Variants in ADGRL2 observed in about 807,000 individuals in gnomAD.
ADGRL2 encodes the protein adhesion G protein-coupled receptor L2, also known as calcium-independent alpha-latrotoxin receptor 2.
A neutral mutation model predicts 157.4 loss-of-function variants in ADGRL2; 44 were observed. The ratio of observed to expected loss-of-function variants is 0.28; its 90% confidence interval spans 0.22 to 0.36. ADGRL2 has a LOEUF of 0.36. ADGRL2 is among the 10% of genes least tolerant of loss of function. The pLI, the probability that ADGRL2 is intolerant of heterozygous loss-of-function variation, is 1.00. For synonymous variants in ADGRL2, 585 were observed against 624.7 expected (o/e 0.94, Z 0.95); for missense variants, 1,510 against 1,768.9 (o/e 0.85, Z 2.63).
chr1:81,690,155 G>A (rs997278761), intron 3 of ADGRL2, among the ~76,000 whole-genome samples: 7 of 152,094 alleles, frequency 4.6e-5, no homozygotes, highest in African/African-American at 1.2e-4. Flanking sequence ...AGATGACATC[G>A]ATTTGATCTT....
chr1:81,836,272 G>T (rs779538205), intron 1 of ADGRL2, among the ~76,000 whole-genome samples: 10 of 151,978 alleles, frequency 6.6e-5, no homozygotes, highest in Non-Finnish European at 7.4e-5. Context: ...AATAGGAAAC[G>T]AACATGAAGA....
At chr1:81,846,069 T>G (rs2092775421) in intron 2 of ADGRL2, among the ~76,000 whole-genome samples, 1 of 151,914 alleles carries the variant, frequency 6.6e-6, no homozygotes, top group Admixed American at 6.6e-5. Flanking sequence ...AAATCTAAGG[T>G]CTTTGATCAC....
intron 1 of ADGRL2, among the ~76,000 whole-genome samples, chr1:81,428,335 TAA>T (rs57763882): frequency 6.8e-6 from 1 of 146,630 alleles, no homozygotes; most frequent in Non-Finnish European, 1.5e-5. Flanking sequence ...ATCTCAAAAT[TAA>T]AAAAAAAAAG....
intron 3 of ADGRL2, among the ~76,000 whole-genome samples, chr1:81,635,034 T>C (rs1182965508): frequency 6.6e-6 from 1 of 152,166 alleles, no homozygotes; most frequent in Non-Finnish European, 1.5e-5. Flanking sequence ...CCAAGAATTA[T>C]ACTCAACCAG....
chr1:81,951,086 T>C lies in ADGRL2; in HGVS notation c.1573T>C (p.Cys525Arg). The change falls in exon 8 of 24, where the codon TGT becomes CGT. Residue 525 changes from cysteine (C) to arginine (R), a missense_variant. Coordinates refer to ENST00000686636, the MANE Select transcript of ADGRL2 (RefSeq NM_001366006.2). ...CCCTAAGGGCCCCGATCTTAGCAAC[T>C]GTACCTCACACTGGGTGAATCAGCT... ...WNPKGPDLSN[C>R]TSHWVNQLAQ... is the part of the protein sequence containing the mutation. The C allele has an allele frequency of 6.2e-7, 1 of 1,613,620 alleles. No individual in the cohort carries two copies. The highest frequency in any genetic ancestry group is 2.2e-5 in the East Asian group (1 of 44,862).
chr1:81,829,910 T>G (rs1334342878), intron 1 of ADGRL2, among the ~76,000 whole-genome samples: 1 of 152,176 alleles, frequency 6.6e-6, no homozygotes, highest in Non-Finnish European at 1.5e-5. Flanking sequence ...TGAGCCACGA[T>G]TCTATAGTGT....
rs971043810 is a variant in ADGRL2 at position 81,478,976 on chromosome 1, T to C, written c.-248+33887T>C. ...CAGTGAGCTACAAGTGAAAGCTTAA[T>C]GATCTTCTGTTTTTCCATACAGTTA... On this transcript the variant is annotated intron_variant, in intron 2 of 24. Coordinates refer to the ADGRL2 transcript ENST00000370721. 1.7e-4 allele frequency among the ~76,000 whole-genome samples: 26 copies of C among 152,158 alleles called. 1 individual carries two copies. Among genetic ancestry groups the C allele is most frequent in the Admixed American group, 1.6e-3 (24 of 15,270 alleles).
At chr1:81,450,150 C>G (rs1420608213) in intron 2 of ADGRL2, among the ~76,000 whole-genome samples, 1 of 152,086 alleles carries the variant, frequency 6.6e-6, no homozygotes, top group East Asian at 1.9e-4. Context: ...ATAGATGAGT[C>G]CATACCTGGC....
intron 2 of ADGRL2, among the ~76,000 whole-genome samples, chr1:81,525,819 G>A (rs535091869): frequency 1.1e-4 from 17 of 151,666 alleles, no homozygotes; most frequent in Admixed American, 9.2e-4. Context: ...TGGCTTAAAT[G>A]TTCTACCTTT....
chr1:81,426,951 A>T (rs2077228283), intron 1 of ADGRL2: 1 of 733,654 alleles, frequency 1.4e-6, no homozygotes, highest in Non-Finnish European at 2.5e-6. Context: ...GAAAAAAAGG[A>T]AGGATTTGCT....
At chr1:81,715,799 A>G (rs1289843493) in intron 1 of ADGRL2, among the ~76,000 whole-genome samples, 1 of 152,122 alleles carries the variant, frequency 6.6e-6, no homozygotes, top group Admixed American at 6.5e-5. Flanking sequence ...CTAATGAGGA[A>G]CAGAAGTCAA....
chr1:81,624,137 C>T (rs931578788), intron 3 of ADGRL2, among the ~76,000 whole-genome samples: 2 of 152,158 alleles, frequency 1.3e-5, no homozygotes, highest in Non-Finnish European at 2.9e-5. Flanking sequence ...AAAGGGACAC[C>T]GATACCTGGA....
intron 2 of ADGRL2, among the ~76,000 whole-genome samples, chr1:81,794,511 G>C (rs2087493590): frequency 6.6e-6 from 1 of 152,128 alleles, no homozygotes; most frequent in Non-Finnish European, 1.5e-5. Context: ...TTATTTATGT[G>C]TTTGTATTTC....
chr1:81,968,301 G>A (rs1194785118), intron 14 of ADGRL2, 102 bp downstream of exon 14: 43 of 965,000 alleles, frequency 4.5e-5, no homozygotes, highest in South Asian at 1.4e-5. Flanking sequence ...TAACTAAAAA[G>A]CAAACAAAGT....
At chr1:81,611,182 C>A (rs979050225) in intron 3 of ADGRL2, among the ~76,000 whole-genome samples, 1 of 152,158 alleles carries the variant, frequency 6.6e-6, no homozygotes, top group African/African-American at 2.4e-5. Flanking sequence ...AAATGTGGTT[C>A]TTCATATAAA....
chr1:81,727,488 A>T (rs537173138), intron 1 of ADGRL2, among the ~76,000 whole-genome samples: 15 of 152,210 alleles, frequency 9.9e-5, no homozygotes, highest in South Asian at 2.1e-4. Flanking sequence ...GCTGGAGTGC[A>T]GTGGCATGAT....
At chr1:81,902,160 A>G (rs776071779) in intron 2 of ADGRL2, among the ~76,000 whole-genome samples, 1 of 152,214 alleles carries the variant, frequency 6.6e-6, no homozygotes, top group Non-Finnish European at 1.5e-5. Context: ...GGGTTTGTCT[A>G]TTAATAAAGA....
At chr1:81,356,971 A>AAAAAG (rs80327519) in intron 1 of ADGRL2, among the ~76,000 whole-genome samples, 6 of 99,284 alleles carry the variant, frequency 6.0e-5, no homozygotes, top group African/African-American at 1.9e-4. Context: ...AAAAAAAAAA[A>AAAAAG]AAGAAGTTGT....
chr1:81,383,773 G>T (rs1372808850), intron 1 of ADGRL2, among the ~76,000 whole-genome samples: 3 of 138,988 alleles, frequency 2.2e-5, no homozygotes, highest in Non-Finnish European at 3.0e-5. Flanking sequence ...GACCATCCTG[G>T]CTAACACGGT....
Sources: gnomAD v4.1 joint callset for allele counts (sites outside exome capture counted in the v4.1 genomes callset) on GRCh38, gnomAD v4.1.1 for gene constraint, MANE v1.5 for transcripts, NCBI Gene and HGNC (gene_info 2026-07-23, HGNC 2026-07-21) for gene names.